The following RHOBTB1 variants were observed in gnomAD, a reference collection of about 807,000 sequenced individuals.
RHOBTB1 encodes Rho related BTB domain containing 1.
Under a neutral mutation model 71.6 loss-of-function variants are expected in RHOBTB1, and 40 were observed. The observed-to-expected ratio is 0.56, with a 90% CI of 0.43 to 0.73. The LOEUF is 0.73. Ranked by LOEUF, RHOBTB1 falls within the 30% of genes least tolerant of loss-of-function variation. The pLI, the probability that RHOBTB1 is intolerant of heterozygous loss-of-function variation, is 0.00. For missense variants in RHOBTB1, 797 were observed against 894.0 expected (o/e 0.89, Z 1.38); for synonymous variants, 319 against 334.9 (o/e 0.95, Z 0.52).
intron 1 of RHOBTB1, among the ~76,000 whole-genome samples, chr10:60,993,184 G>A (rs1036644499): frequency 1.3e-5 from 2 of 152,090 alleles, no homozygotes; most frequent in African/African-American, 4.8e-5. Flanking sequence ...CATTGCACCA[G>A]CTCCATCTCT....
intron 2 of RHOBTB1, among the ~76,000 whole-genome samples, chr10:60,934,073 T>C (rs2084420931): frequency 6.6e-6 from 1 of 152,196 alleles, no homozygotes; most frequent in African/African-American, 2.4e-5. Flanking sequence ...CATGTGTTCT[T>C]TGTGACATAA....
chr10:60,992,188 G>A (rs2086893029), intron 1 of RHOBTB1, among the ~76,000 whole-genome samples: 1 of 152,122 alleles, frequency 6.6e-6, no homozygotes, highest in African/African-American at 2.4e-5. Context: ...AGCCTTGAAT[G>A]GATATAAGAA....
chr10:60,892,527 T>C (rs186935225), intron 5 of RHOBTB1, among the ~76,000 whole-genome samples: 1 of 152,230 alleles, frequency 6.6e-6, no homozygotes, highest in African/African-American at 2.4e-5. Context: ...TCTAATACTT[T>C]ATACTTTTCA....
At chr10:60,941,768 C>A (rs556130597) in intron 2 of RHOBTB1, 36 bp downstream of exon 2, 19 of 152,398 alleles carry the variant, frequency 1.2e-4, no homozygotes, top group Non-Finnish European at 4.4e-5. Context: ...AGGATGTTAC[C>A]AATCTATAGT....
At chr10:60,871,783 T>C (rs945806000) in intron 10 of RHOBTB1, 132 bp from the exon 11 acceptor site, 1 of 785,598 alleles carries the variant, frequency 1.3e-6, no homozygotes, top group African/African-American at 1.7e-5. Context: ...TTAGGGCCAT[T>C]TGCAAAAGGT....
At chr10:60,903,342 AAAT>A (rs1309053929) in intron 4 of RHOBTB1, among the ~76,000 whole-genome samples, 1 of 152,174 alleles carries the variant, frequency 6.6e-6, no homozygotes, top group African/African-American at 2.4e-5. Flanking sequence ...CCAGAGAAAC[AAAT>A]AAGAATGGAG....
At chr10:60,995,127 T>G (rs1043335650) in intron 1 of RHOBTB1, among the ~76,000 whole-genome samples, 4 of 152,026 alleles carry the variant, frequency 2.6e-5, no homozygotes, top group African/African-American at 9.7e-5. Flanking sequence ...TTGAACTAAA[T>G]TATTTATGAG....
rs138154225 is a variant in RHOBTB1 at position 60,975,239 on chromosome 10, C to T, written c.-62+10606G>A. On this transcript the variant is annotated intron_variant, in intron 2 of 11. Transcript: ENST00000357917. ...GTCTGGGTTCAGAATCAGGGGAATT[C>T]GTCAGAATGTGTAAATGGCTGGTGT... 3.0e-3 allele frequency among the ~76,000 whole-genome samples: 460 copies of T among 152,050 alleles called. 2 individuals are homozygous for T. The highest frequency in any genetic ancestry group is 0.011 in the African/African-American group (442 of 41,504).
chr10:60,901,140 A>G (rs933941419), intron 4 of RHOBTB1, among the ~76,000 whole-genome samples: 15 of 152,228 alleles, frequency 9.9e-5, no homozygotes, highest in African/African-American at 4.8e-5. Flanking sequence ...CACTAAAAGC[A>G]TAGTCAAGAT....
At chr10:60,866,331 CAGTGTGG>C (rs1396843067), downstream of RHOBTB1, among the ~76,000 whole-genome samples, 1 of 152,142 alleles carries the variant, frequency 6.6e-6, no homozygotes, top group Admixed American at 6.5e-5. Context: ...ATTTCCAGAA[CAGTGTGG>C]AGTCAGAAAA....
At chr10:60,872,028 C>T in intron 10 of RHOBTB1, 157 bp downstream of exon 10, 1 of 685,580 alleles carries the variant, frequency 1.5e-6, no homozygotes, top group Non-Finnish European at 2.6e-6. Context: ...CCTTCAATTC[C>T]TTATGTCATC....
intron 5 of RHOBTB1, among the ~76,000 whole-genome samples, chr10:60,892,588 T>C (rs2081975186): frequency 6.6e-6 from 1 of 152,226 alleles, no homozygotes; most frequent in Non-Finnish European, 1.5e-5. Flanking sequence ...CTTCAAGTGC[T>C]GTCCAATCAT....
At chr10:60,984,147 T>C (rs185141787) in intron 2 of RHOBTB1, among the ~76,000 whole-genome samples, 1 of 152,290 alleles carries the variant, frequency 6.6e-6, no homozygotes, top group Non-Finnish European at 1.5e-5. Flanking sequence ...CCAGTTAATA[T>C]GCACGTACCT....
At chr10:60,985,011 A>T (rs2086615666) in intron 2 of RHOBTB1, among the ~76,000 whole-genome samples, 1 of 152,208 alleles carries the variant, frequency 6.6e-6, no homozygotes, top group Non-Finnish European at 1.5e-5. Flanking sequence ...AGTTAAAGAT[A>T]ATAAAAGCCA....
At position 60,870,209 on chromosome 10, in the gene RHOBTB1, C is replaced by T. The variant is rs146767091; in HGVS notation, c.*1273G>A. On this transcript the variant is annotated 3_prime_UTR_variant, in exon 11 of 11. Transcript: ENST00000337910. ...TGACTGACTGCCTCACGAAAGCTCC[C>T]CTGCTGTCACACTTCCTAGTTTAAC... 6.6e-6 allele frequency: 1 copy of T among 152,664 alleles called. No homozygotes were observed. The highest frequency in any genetic ancestry group is 6.5e-5 in the Admixed American group (1 of 15,288). The allele number at this position is 152,664 out of a possible 1,614,324, so 9.5% of individuals were successfully genotyped here.
intron 2 of RHOBTB1, among the ~76,000 whole-genome samples, chr10:60,954,738 A>G (rs1255970929): frequency 6.6e-6 from 1 of 152,218 alleles, no homozygotes; most frequent in Non-Finnish European, 1.5e-5. Context: ...ATTACCCAAA[A>G]AGTGAATTTA....
intron 4 of RHOBTB1, among the ~76,000 whole-genome samples, chr10:60,894,384 A>G (rs2082063812): frequency 6.6e-6 from 1 of 152,204 alleles, no homozygotes; most frequent in African/African-American, 2.4e-5. Flanking sequence ...AATGTTCAGA[A>G]TCATCTTGAA....
chr10:60,954,295 AC>A (rs1210407756), intron 2 of RHOBTB1, among the ~76,000 whole-genome samples: 1 of 152,216 alleles, frequency 6.6e-6, no homozygotes, highest in Non-Finnish European at 1.5e-5. Context: ...TTTATGACAG[AC>A]CAGAGTACCA....
chr10:60,910,920 T>G lies in RHOBTB1; in HGVS notation c.263A>C (p.Asp88Ala). 2 of 1,614,076 alleles carry G rather than the reference T, an allele frequency of 1.2e-6. No homozygotes were observed. The highest frequency in any genetic ancestry group is 1.7e-6 in the Non-Finnish European group (2 of 1,179,996). The change falls in exon 4 of 11, where the codon GAT becomes GCT. Residue 88 changes from aspartate to alanine, a missense_variant. By Grantham distance (126) the Asp-to-Ala change is moderately radical (BLOSUM62 -2). Transcript: ENST00000337910. The stretch of plus-strand genomic sequence containing the variant: ...TGCAAAGCGTCTGTCTTTGTGATGA[T>G]CACCAAAAGTATCCCAAAGCCTGAG... ...VSLRLWDTFG[D>A]HHKDRRFAYG... is the part of the protein sequence containing the mutation.
Sources: allele counts gnomAD v4.1 joint callset (sites outside exome capture counted in the v4.1 genomes callset), GRCh38; gene constraint gnomAD v4.1.1; transcripts MANE v1.5; gene names NCBI Gene and HGNC (gene_info 2026-07-23, HGNC 2026-07-21).